Variants in NUP133 observed in about 807,000 individuals in gnomAD.
The protein encoded by NUP133 is nuclear pore complex protein Nup133.
A neutral mutation model predicts 146.2 loss-of-function variants in NUP133; 66 were observed. The observed-to-expected ratio is 0.45, with a 90% CI of 0.37 to 0.55. The LOEUF (loss-of-function observed/expected upper bound fraction) is 0.55, where lower values mean the gene tolerates loss of function less well. Among genes scored for constraint, NUP133 ranks in the 20% least tolerant of loss-of-function variants. NUP133 has a pLI of 0.00. For missense variants in NUP133, 1,277 were observed against 1,374.8 expected (o/e 0.93, Z 1.12); for synonymous variants, 521 against 498.8 (o/e 1.04, Z -0.59).
At chr1:229,477,531 G>C in intron 13 of NUP133, 66 bp downstream of exon 13, 1 of 1,265,780 alleles carries the variant, frequency 7.9e-7, no homozygotes, top group African/African-American at 1.5e-5. Flanking sequence ...TGCTTTAAGA[G>C]ATGCTTCTAA....
chr1:229,498,748 T>A (rs368762304), intron 5 of NUP133, among the ~76,000 whole-genome samples: 110 of 147,300 alleles, frequency 7.5e-4, no homozygotes, highest in African/African-American at 2.6e-3. Flanking sequence ...AGAGTAAAAC[T>A]GTGTCTCGAA....
chr1:229,443,372 T>C (rs1357570251), intron 25 of NUP133, among the ~76,000 whole-genome samples: 1 of 152,116 alleles, frequency 6.6e-6, no homozygotes, highest in Non-Finnish European at 1.5e-5. Flanking sequence ...TTCTCAACTA[T>C]TAAATGTTGG....
intron 25 of NUP133, among the ~76,000 whole-genome samples, chr1:229,444,123 G>A (rs566003443): frequency 6.6e-6 from 1 of 151,886 alleles, no homozygotes; most frequent in Non-Finnish European, 1.5e-5. Context: ...ACGAGGTCAG[G>A]AGTTCGAGGC....
Position 229,477,592 on chromosome 1 carries a change from C to A in NUP133, c.1756+5G>T. On this transcript the variant is annotated splice_donor_5th_base_variant and intron_variant, in intron 13 of 25. Transcript: ENST00000261396. Reference sequence around the variant, plus strand: ...CACACCGTTCCATAATTGAAACATTCTTACCCTCAGGGACAGACTCAGCCC... The same window carrying A: ...CACACCGTTCCATAATTGAAACATTATTACCCTCAGGGACAGACTCAGCCC... 6.2e-7 allele frequency: 1 copy of A among 1,601,772 alleles called. No individual in the cohort carries two copies. Among genetic ancestry groups the A allele is most frequent in the South Asian group, 1.1e-5 (1 of 89,170 alleles).
intron 9 of NUP133, among the ~76,000 whole-genome samples, chr1:229,488,669 G>A (rs1396817434): frequency 4.7e-5 from 7 of 150,040 alleles, no homozygotes; most frequent in Admixed American, 1.3e-4. Context: ...CATGTTAAGA[G>A]TAAGGATCAA....
At position 229,500,203 on chromosome 1, in the gene NUP133, G is replaced by A. The variant is rs184886770; in HGVS notation, c.514-385C>T. ...ATTTTCTTGTCTTTGGCAAAGCAAC[G>A]CTTTAAATTTTTATTTTATTTTAAT... On this transcript the variant is annotated intron_variant, in intron 4 of 25. Coordinates refer to ENST00000261396, the MANE Select transcript of NUP133 (RefSeq NM_018230.3). Among the ~76,000 whole-genome samples, 19 of 151,942 alleles carry A rather than the reference G, an allele frequency of 1.3e-4. No individual in the cohort carries two copies. In the East Asian group the frequency reaches 1.9e-3, roughly 15 times the overall value.
Position 229,464,820 on chromosome 1 carries a change from G to A in NUP133, c.2355C>T (p.Val785=), listed in dbSNP as rs768710392. 127 of 1,614,044 alleles carry A rather than the reference G, an allele frequency of 7.9e-5. No homozygotes were observed. The highest frequency in any genetic ancestry group is 1.1e-4 in the Non-Finnish European group (125 of 1,180,038). Residue 785 remains valine, a synonymous_variant, in exon 18 of 26, where the codon GTC becomes GTT. Transcript: ENST00000261396. ...CTGCCTGTGGATAAGCCACCTTCAG[G>A]ACAATCTCATGCTGGCGTATTATTA... ...RTVIIRQHEI[V]LKVAYPQADS...
At chr1:229,454,714 A>G (rs1209177893) in intron 21 of NUP133, among the ~76,000 whole-genome samples, 1 of 152,238 alleles carries the variant, frequency 6.6e-6, no homozygotes, top group Non-Finnish European at 1.5e-5. Flanking sequence ...AGGGAGAAAG[A>G]AGAAACAGGA....
chr1:229,491,054 A>G (rs556784399), intron 8 of NUP133, among the ~76,000 whole-genome samples: 1 of 152,318 alleles, frequency 6.6e-6, no homozygotes, highest in African/African-American at 2.4e-5. Context: ...TTAAAAAAAG[A>G]TCAAAACAAC....
At chr1:229,481,818 G>A (rs1173073827) in intron 12 of NUP133, among the ~76,000 whole-genome samples, 2 of 152,172 alleles carry the variant, frequency 1.3e-5, no homozygotes, top group African/African-American at 4.8e-5. Context: ...TGAGAGAGGT[G>A]AAGACAGATC....
chr1:229,446,344 G>A (rs1660301770), intron 24 of NUP133, among the ~76,000 whole-genome samples: 2 of 152,088 alleles, frequency 1.3e-5, no homozygotes, highest in Admixed American at 1.3e-4. Context: ...GGGAGGCGGA[G>A]GTTGCGGCGA....
chr1:229,444,543 T>C (rs1247389134), intron 25 of NUP133, among the ~76,000 whole-genome samples: 3 of 152,126 alleles, frequency 2.0e-5, no homozygotes, highest in African/African-American at 7.2e-5. Flanking sequence ...ATACTAATGC[T>C]TGGAGATCAG....
At chr1:229,481,278 C>G (rs1354567390) in intron 12 of NUP133, among the ~76,000 whole-genome samples, 2 of 152,138 alleles carry the variant, frequency 1.3e-5, no homozygotes, top group Non-Finnish European at 2.9e-5. Flanking sequence ...GATGACTACA[C>G]CAGGTTGAAT....
intron 2 of NUP133, among the ~76,000 whole-genome samples, chr1:229,502,643 T>C (rs758445827): frequency 1.3e-5 from 2 of 151,676 alleles, no homozygotes; most frequent in Non-Finnish European, 2.9e-5. Flanking sequence ...TATTCCTTAA[T>C]TTTTTGTTAC....
chr1:229,464,980 T>C, intron 17 of NUP133, 105 bp from the exon 18 acceptor site: 4 of 1,349,838 alleles, frequency 3.0e-6, no homozygotes, highest in Non-Finnish European at 4.1e-6. Context: ...TGCTGGAAAA[T>C]TACATTGAAC....
intron 24 of NUP133, among the ~76,000 whole-genome samples, chr1:229,447,284 AT>A (rs1265012921): frequency 1.3e-5 from 2 of 152,236 alleles, no homozygotes. Context: ...CTAAATAAAT[AT>A]TACTAATGTA....
At chr1:229,444,232 G>A (rs111872596) in intron 25 of NUP133, among the ~76,000 whole-genome samples, 6,852 of 152,042 alleles carry the variant, frequency 0.045, 464 homozygotes, top group African/African-American at 0.15. Flanking sequence ...TCAGGAGGCT[G>A]AGGCAGGAGA....
rs972368155 is a variant in NUP133, at chr1:229,464,835, G to A, written c.2340C>T (p.Arg780=). The A allele has an allele frequency of 1.2e-6, 2 of 1,614,172 alleles. No homozygotes were observed. Among genetic ancestry groups the A allele is most frequent in the Non-Finnish European group, 1.7e-6 (2 of 1,180,024 alleles). ...GPGGIRTVII[R]QHEIVLKVAY... is the part of the protein sequence containing the mutation. ...CCACCTTCAGGACAATCTCATGCTG[G>A]CGTATTATTACCGTTCGGATGCCAC... Residue 780 remains arginine, a synonymous_variant, in exon 18 of 26, where the codon CGC becomes CGT. Transcript: ENST00000261396.
chr1:229,486,911 A>G (rs2102774929), intron 10 of NUP133, among the ~76,000 whole-genome samples: 1 of 145,384 alleles, frequency 6.9e-6, no homozygotes, highest in South Asian at 2.1e-4. Flanking sequence ...TGGAAAAAAA[A>G]AAAAAAAAAA....
Sources: allele counts gnomAD v4.1 joint callset (sites outside exome capture counted in the v4.1 genomes callset), GRCh38; gene constraint gnomAD v4.1.1; transcripts MANE v1.5; gene names NCBI Gene and HGNC (gene_info 2026-07-23, HGNC 2026-07-21).